Variants in PPP4R4 observed in about 807,000 individuals in gnomAD.
PPP4R4 encodes the protein serine/threonine-protein phosphatase 4 regulatory subunit 4.
Under a neutral mutation model 121.8 loss-of-function variants are expected in PPP4R4, and 70 were observed. That is an observed-to-expected ratio of 0.57 (90% CI 0.47 to 0.70). The LOEUF (loss-of-function observed/expected upper bound fraction) is 0.70, where lower values mean the gene tolerates loss of function less well. Among genes scored for constraint, PPP4R4 ranks in the 30% least tolerant of loss-of-function variants. The pLI, the probability that PPP4R4 is intolerant of heterozygous loss-of-function variation, is 0.00. For missense variants in PPP4R4, 875 were observed against 1,033.6 expected, an observed-to-expected ratio of 0.85 and a Z score of 2.10; for synonymous variants, 348 against 355.7, an observed-to-expected ratio of 0.98 and a Z score of 0.24.
At chr14:94,268,041 G>A (rs1022706955) in intron 23 of PPP4R4, among the ~76,000 whole-genome samples, 1 of 152,164 alleles carries the variant, frequency 6.6e-6, no homozygotes, top group Non-Finnish European at 1.5e-5. Context: ...ATAACAGAAA[G>A]TTGATTAACT....
At chr14:94,177,371 A>G (rs899142997) in intron 2 of PPP4R4, among the ~76,000 whole-genome samples, 3 of 152,200 alleles carry the variant, frequency 2.0e-5, no homozygotes, top group African/African-American at 7.2e-5. Flanking sequence ...TTGGGTGTTT[A>G]CTTAGAGAAT....
At chr14:94,262,440 T>G (rs1236383943) in intron 19 of PPP4R4, among the ~76,000 whole-genome samples, 1 of 151,964 alleles carries the variant, frequency 6.6e-6, no homozygotes, top group Non-Finnish European at 1.5e-5. Context: ...TTGGAAATTT[T>G]TTTTGCTTGT....
chr14:94,222,449 A>G (rs1046082088), intron 3 of PPP4R4, among the ~76,000 whole-genome samples: 3 of 151,802 alleles, frequency 2.0e-5, no homozygotes, highest in Admixed American at 2.0e-4. Flanking sequence ...CTTATATGTT[A>G]CTGTTGTTAG....
At chr14:94,249,051 A>T (rs1323871359) in intron 14 of PPP4R4, among the ~76,000 whole-genome samples, 1 of 152,064 alleles carries the variant, frequency 6.6e-6, no homozygotes, top group Non-Finnish European at 1.5e-5. Flanking sequence ...CTGGCCCAAA[A>T]GAATACCTTA....
intron 20 of PPP4R4, 63 bp downstream of exon 20, chr14:94,265,010 T>C: frequency 2.5e-6 from 3 of 1,222,706 alleles, no homozygotes; most frequent in Admixed American, 2.4e-5. Context: ...CCTGGTATTC[T>C]GAAAGACCAT....
chr14:94,209,957 A>G (rs80086298), intron 3 of PPP4R4, among the ~76,000 whole-genome samples: 4,496 of 152,152 alleles, frequency 0.03, 94 homozygotes, highest in Non-Finnish European at 0.046. Flanking sequence ...TACTTTGCAA[A>G]ATTCCTTTTG....
chr14:94,184,243 C>G (rs1036495028), intron 2 of PPP4R4, among the ~76,000 whole-genome samples: 1 of 152,042 alleles, frequency 6.6e-6, no homozygotes, highest in African/African-American at 2.4e-5. Flanking sequence ...GCTCACCATA[C>G]CAAGTGGTAA....
At chr14:94,194,789 G>C (rs1889781168) in intron 2 of PPP4R4, among the ~76,000 whole-genome samples, 1 of 152,084 alleles carries the variant, frequency 6.6e-6, no homozygotes, top group African/African-American at 2.4e-5. Context: ...TATTTATACT[G>C]ATTATGACTA....
intron 3 of PPP4R4, among the ~76,000 whole-genome samples, chr14:94,217,825 T>A (rs1394705638): frequency 6.6e-6 from 1 of 152,066 alleles, no homozygotes; most frequent in African/African-American, 2.4e-5. Flanking sequence ...AGAAACCCCA[T>A]CTCTAGTAAA....
At chr14:94,265,585 A>T in intron 21 of PPP4R4, 112 bp downstream of exon 21, 1 of 1,006,062 alleles carries the variant, frequency 9.9e-7, no homozygotes, top group Non-Finnish European at 1.5e-6. Flanking sequence ...ATCTCATTCT[A>T]AAGCACTTTT....
intron 23 of PPP4R4, among the ~76,000 whole-genome samples, chr14:94,270,001 A>AAT: frequency 6.6e-6 from 1 of 152,344 alleles, no homozygotes; most frequent in African/African-American, 2.4e-5. Context: ...AAATATAATA[A>AAT]ATATAGCATA....
At position 94,241,902 on chromosome 14, in the gene PPP4R4, T is replaced by C. The variant is rs1199296791; in HGVS notation, c.1091T>C (p.Leu364Pro). Reference sequence around the variant, plus strand: ...GAAAACCAGATTCCACCCCAAATCCTAGAGCAGGAGAAGAAATATATTTCA... The same window carrying C: ...GAAAACCAGATTCCACCCCAAATCCCAGAGCAGGAGAAGAAATATATTTCA... ...HNENQIPPQI[L>P]EQEKKYISVR... The change falls in exon 10 of 25, where the codon CTA (leucine) becomes CCA (proline). Residue 364 changes from leucine to proline, a missense_variant. Coordinates refer to ENST00000304338, the MANE Select transcript of PPP4R4 (RefSeq NM_058237.2). 1 of 1,610,936 alleles carries C rather than the reference T, an allele frequency of 6.2e-7. No homozygotes were observed. Among genetic ancestry groups the C allele is most frequent in the Non-Finnish European group, 8.5e-7 (1 of 1,178,464 alleles).
intron 2 of PPP4R4, among the ~76,000 whole-genome samples, chr14:94,184,555 G>C (rs1227758985): frequency 3.3e-5 from 5 of 152,110 alleles, no homozygotes; most frequent in Non-Finnish European, 7.4e-5. Flanking sequence ...CACCAGGCCT[G>C]TCTTCCTTCT....
intron 5 of PPP4R4, among the ~76,000 whole-genome samples, chr14:94,231,956 T>G (rs541797489): frequency 1.3e-5 from 2 of 152,308 alleles, no homozygotes; most frequent in East Asian, 3.9e-4. Flanking sequence ...TATTGTGCTG[T>G]TGAATATTTT....
chr14:94,274,142 A>T lies in PPP4R4; in HGVS notation c.2450-1232A>T, dbSNP rs938318673. Among the ~76,000 whole-genome samples the T allele has an allele frequency of 2.6e-5, 4 of 152,262 alleles. No homozygotes were observed. In the South Asian group the frequency reaches 8.3e-4, roughly 32 times the overall value. On this transcript the variant is annotated intron_variant, in intron 23 of 24. Coordinates refer to ENST00000304338, the MANE Select transcript of PPP4R4 (RefSeq NM_058237.2). ...TGTGAATCTCAAGTCTTATCACTATACACAAAATTATACTATACTCAAAAT... is the reference window on the plus strand; with the variant it reads ...TGTGAATCTCAAGTCTTATCACTATTCACAAAATTATACTATACTCAAAAT...
At chr14:94,197,913 C>T (rs993399095) in intron 2 of PPP4R4, among the ~76,000 whole-genome samples, 5 of 152,160 alleles carry the variant, frequency 3.3e-5, no homozygotes, top group African/African-American at 1.2e-4. Flanking sequence ...GGATATATCA[C>T]TGTATGGAAT....
At chr14:94,224,145 T>C (rs563926498) in intron 3 of PPP4R4, among the ~76,000 whole-genome samples, 4 of 152,262 alleles carry the variant, frequency 2.6e-5, no homozygotes, top group East Asian at 3.9e-4. Flanking sequence ...AGCATGCAGA[T>C]TGAATGTAGA....
chr14:94,189,716 A>G (rs964359160), intron 2 of PPP4R4, among the ~76,000 whole-genome samples: 11 of 152,194 alleles, frequency 7.2e-5, no homozygotes, highest in African/African-American at 2.2e-4. Context: ...TCGAAACTGC[A>G]TTTATCACTT....
chr14:94,242,074 A>T, intron 10 of PPP4R4, 117 bp downstream of exon 10: 1 of 1,166,622 alleles, frequency 8.6e-7, no homozygotes, highest in Non-Finnish European at 1.2e-6. Flanking sequence ...TATGTCTAGC[A>T]TACATAGTAT....
Sources: gnomAD v4.1 joint callset for allele counts (sites outside exome capture counted in the v4.1 genomes callset) on GRCh38, gnomAD v4.1.1 for gene constraint, MANE v1.5 for transcripts, NCBI Gene and HGNC (gene_info 2026-07-23, HGNC 2026-07-21) for gene names.